The following IFNAR2 variants were observed in gnomAD, a reference collection of about 807,000 sequenced individuals.
IFNAR2 encodes interferon alpha/beta receptor 2.
Under a neutral mutation model 49.4 loss-of-function variants are expected in IFNAR2, and 30 were observed. The observed-to-expected ratio is 0.61, with a 90% CI of 0.45 to 0.82. The LOEUF is 0.82. IFNAR2 is among the 40% of genes least tolerant of loss of function. The probability of loss-of-function intolerance (pLI) is 0.00; values close to 1 mark genes in which losing one functional copy is unlikely to be tolerated. For missense variants in IFNAR2, 600 were observed against 622.7 expected (o/e 0.96, Z 0.39); for synonymous variants, 224 against 234.5 (o/e 0.96, Z 0.41).
At chr21:33,237,296 C>T (rs901708447) in intron 1 of IFNAR2, among the ~76,000 whole-genome samples, 2 of 151,942 alleles carry the variant, frequency 1.3e-5, no homozygotes, top group Non-Finnish European at 2.9e-5. Flanking sequence ...CTTTGTGGGG[C>T]TGAGGCCGGA....
At position 33,248,783 on chromosome 21, in the gene IFNAR2, A is replaced by G. The variant is rs1308693345; in HGVS notation, c.469A>G (p.Ile157Val). 1.9e-6 allele frequency: 3 copies of G among 1,610,826 alleles called. No homozygotes were observed. Among genetic ancestry groups the G allele is most frequent in the East Asian group, 2.2e-5 (1 of 44,672 alleles). Residue 157 changes from isoleucine (I) to valine (V), a missense_variant, in exon 6 of 9, where the codon ATT becomes GTT. Coordinates refer to ENST00000342136, the MANE Select transcript of IFNAR2 (RefSeq NM_001289125.3). Reference protein sequence around the residue: ...HINVMVKFPSIVEEELQFDLS... With the variant: ...HINVMVKFPSVVEEELQFDLS... ...TAATGTGATGGTGAAATTTCCATCT[A>G]TTGTTGAGGAAGAATTACAGTTTGA...
rs1309519000 is a variant in IFNAR2, at chr21:33,264,705, C to G, written c.*1205C>G. The G allele has an allele frequency of 6.6e-6, 1 of 152,122 alleles. No homozygotes were observed. The highest frequency in any genetic ancestry group is 2.4e-5 in the African/African-American group (1 of 41,386). 9.4% of individuals were successfully genotyped at this position (152,122 alleles called of 1,614,324 possible). On this transcript the variant is annotated 3_prime_UTR_variant, in exon 9 of 9. Transcript: ENST00000342136. ...GGGGTGTGGGCGGGGGAAGGGAAGT[C>G]TGGCCCGGAGCAATTGCTCCTGCCG...
At chr21:33,247,465 G>C (rs1019285219) in intron 5 of IFNAR2, among the ~76,000 whole-genome samples, 1 of 151,862 alleles carries the variant, frequency 6.6e-6, no homozygotes, top group East Asian at 1.9e-4. Flanking sequence ...GGCCAGGCTA[G>C]TCTCGAACTC....
In IFNAR2 at chr21:33,241,925, GCTT is replaced by G. The variant is rs765087525; in HGVS notation, c.4_6del (p.Leu3del). On this transcript the variant is annotated inframe_deletion, in exon 2 of 9. Coordinates refer to ENST00000342136, the MANE Select transcript of IFNAR2 (RefSeq NM_001289125.3). ...AGAAGACTCTAAAAATAGCAAAGATGCTTTTGAGCCAGAATGCCTTCATCTTCA... is the reference window on the plus strand; with the variant it reads ...AGAAGACTCTAAAAATAGCAAAGATGTTGAGCCAGAATGCCTTCATCTTCA... 6.2e-7 allele frequency: 1 copy of G among 1,612,296 alleles called. No homozygotes were observed. The highest frequency in any genetic ancestry group is 1.1e-5 in the South Asian group (1 of 90,892).
At chr21:33,250,596 G>T (rs900990532) in intron 6 of IFNAR2, among the ~76,000 whole-genome samples, 2 of 152,266 alleles carry the variant, frequency 1.3e-5, no homozygotes, top group African/African-American at 4.8e-5. Flanking sequence ...GGACTGAAAT[G>T]GCATGATCTT....
intron 1 of IFNAR2, chr21:33,236,756 C>A (rs1357867128): frequency 7.1e-6 from 7 of 984,946 alleles, no homozygotes; most frequent in Non-Finnish European, 8.4e-6. Context: ...GCACAAAACT[C>A]ACATTGAAAG....
chr21:33,238,725 T>A (rs1986677620), intron 1 of IFNAR2, among the ~76,000 whole-genome samples: 1 of 149,768 alleles, frequency 6.7e-6, no homozygotes. Flanking sequence ...AGTGACAAAC[T>A]GGGGAGAGAA....
At chr21:33,243,812 T>C (rs1568882824) in intron 3 of IFNAR2, 98 bp downstream of exon 3, 1 of 886,544 alleles carries the variant, frequency 1.1e-6, no homozygotes, top group Non-Finnish European at 1.9e-6. Context: ...TGATTTCTGA[T>C]TGTACATCTG....
chr21:33,257,302 C>T (rs904148866), intron 7 of IFNAR2, among the ~76,000 whole-genome samples: 11 of 152,240 alleles, frequency 7.2e-5, no homozygotes, highest in Admixed American at 3.9e-4. Flanking sequence ...TCCTGGTGAG[C>T]GTTAACAGCT....
rs17860114 is a variant in IFNAR2 at position 33,229,987 on chromosome 21, C to T, written c.-313C>T. The T allele has an allele frequency of 1.0e-6, 1 of 984,584 alleles. No individual in the cohort carries two copies. Among genetic ancestry groups the T allele is most frequent in the Non-Finnish European group, 1.2e-6 (1 of 829,686 alleles). 61.0% of individuals were successfully genotyped at this position (984,584 alleles called of 1,614,324 possible). On this transcript the variant is annotated 5_prime_UTR_variant, in exon 1 of 9. The change creates a new upstream start codon in the 5' untranslated region. Coordinates refer to ENST00000342136, the MANE Select transcript of IFNAR2 (RefSeq NM_001289125.3). ...TCGGCGCGCGCACCCGCACTAAAGA[C>T]GCTTCTTCCCGGCGGGTAGGAATCC...
At chr21:33,258,129 A>T (rs562147068) in intron 7 of IFNAR2, among the ~76,000 whole-genome samples, 1 of 151,952 alleles carries the variant, frequency 6.6e-6, no homozygotes, top group African/African-American at 2.4e-5. Context: ...ACGTGGTAAA[A>T]CCCCATCTCT....
At chr21:33,233,951 G>T (rs967855456) in intron 1 of IFNAR2, among the ~76,000 whole-genome samples, 1 of 151,538 alleles carries the variant, frequency 6.6e-6, no homozygotes, top group African/African-American at 2.4e-5. Context: ...GGAAACATGA[G>T]AATACCAATA....
Position 33,230,287 on chromosome 21 carries a change from C to A in IFNAR2, c.-84+71C>A. The A allele has an allele frequency of 7.2e-6, 8 of 1,107,542 alleles. No homozygotes were observed. The highest frequency in any genetic ancestry group is 9.0e-6 in the Non-Finnish European group (8 of 892,524). The allele number at this position is 1,107,542 out of a possible 1,614,324, so 68.6% of individuals were successfully genotyped here. A position where few individuals can be genotyped will look rare whatever the true frequency, so the allele number is the denominator to read the frequency against. On this transcript the variant is annotated intron_variant, in intron 1 of 8. Transcript: ENST00000342136. This position sits in a 1 kb window ranked among gnomAD's most constrained non-coding sequence, Gnocchi z 5.5. ...TGACTGGAGGGAAAACGCCGCCTCC[C>A]TGCAGCGGTTCCCGGAATCCCCTCC... is the stretch of plus-strand genomic sequence containing the variant.
At position 33,262,763 on chromosome 21, in the gene IFNAR2, ACTCT is replaced by A. The variant is rs749173983; in HGVS notation, c.841-21_841-18del. On this transcript the variant is annotated intron_variant, in intron 8 of 8. Transcript: ENST00000342136. ...AGAGCAAACAGTACAGCTGATACGG[ACTCT>A]CTCTCTCTTTTTTTTTTTTTTTAAG... The A allele has an allele frequency of 8.9e-5, 139 of 1,565,682 alleles. No homozygotes were observed. The Middle Eastern group carries it at 1.0e-3, about 12-fold the overall frequency.
chr21:33,249,343 CAAA>C (rs58744346), intron 6 of IFNAR2, among the ~76,000 whole-genome samples: 50,974 of 106,632 alleles, frequency 0.48, 9,952 homozygotes, highest in Middle Eastern at 0.51. Context: ...GACTCCGTCT[CAAA>C]AAAAAAAAAA....
chr21:33,243,845 T>A (rs763321666), intron 3 of IFNAR2, 131 bp downstream of exon 3: 22 of 770,932 alleles, frequency 2.9e-5, no homozygotes, highest in Non-Finnish European at 4.8e-5. Flanking sequence ...TTGGGATTCT[T>A]TCTCTGTAAA....
In IFNAR2 at chr21:33,248,817, T is replaced by G. The variant is rs545884061; in HGVS notation, c.503T>G (p.Leu168Arg). Reference sequence around the variant, plus strand: ...GAAGAATTACAGTTTGATTTATCTCTCGTCATTGAAGAACAGTCAGAGGGA... The same window carrying G: ...GAAGAATTACAGTTTGATTTATCTCGCGTCATTGAAGAACAGTCAGAGGGA... ...VEEELQFDLS[L>R]VIEEQSEGIV... is the part of the protein sequence containing the mutation. The change falls in exon 6 of 9, where the codon CTC becomes CGC. Residue 168 changes from leucine to arginine, a missense_variant. Physicochemically the swap from Leu to Arg is moderately radical, Grantham distance 102. Transcript: ENST00000342136. 4.4e-6 allele frequency: 7 copies of G among 1,609,010 alleles called. No homozygotes were observed. In the Admixed American group the frequency reaches 1.0e-4, roughly 23 times the overall value.
At chr21:33,236,540 G>T (rs1002323151) in intron 1 of IFNAR2, among the ~76,000 whole-genome samples, 1 of 152,170 alleles carries the variant, frequency 6.6e-6, no homozygotes, top group Non-Finnish European at 1.5e-5. Context: ...TCCATGGGGC[G>T]AGGCTGGAGT....
At chr21:33,247,059 G>C (rs1426043588) in intron 5 of IFNAR2, among the ~76,000 whole-genome samples, 169 bp downstream of exon 5, 1 of 152,092 alleles carries the variant, frequency 6.6e-6, no homozygotes, top group Non-Finnish European at 1.5e-5. Flanking sequence ...GCTTCTCTGA[G>C]CCTTGGTTTT....
Sources: gnomAD v4.1 joint callset for allele counts (sites outside exome capture counted in the v4.1 genomes callset) on GRCh38, gnomAD v4.1.1 for gene constraint, Gnocchi (gnomAD v3.1) non-coding constraint, MANE v1.5 for transcripts, NCBI Gene and HGNC (gene_info 2026-07-23, HGNC 2026-07-21) for gene names.